The following MARK4 variants were observed in gnomAD, a reference collection of about 807,000 sequenced individuals.
MARK4 encodes microtubule affinity regulating kinase 4.
MARK4 carries 19 observed loss-of-function variants against 81.5 expected under a neutral mutation model. That is an observed-to-expected ratio of 0.23 (90% CI 0.16 to 0.34). The LOEUF is 0.34. MARK4 is among the 10% of genes least tolerant of loss of function. The pLI, the probability that MARK4 is intolerant of heterozygous loss-of-function variation, is 1.00. For synonymous variants in MARK4, 436 were observed against 439.0 expected, an observed-to-expected ratio of 0.99 and a Z score of 0.08; for missense variants, 772 against 1,058.8, an observed-to-expected ratio of 0.73 and a Z score of 3.76.
At chr19:45,277,826 TGTGTGTG>T in intron 8 of MARK4, 90 bp from the exon 9 acceptor site, 6 of 114,138 alleles carry the variant, frequency 5.3e-5, no homozygotes, top group East Asian at 3.7e-4. Flanking sequence ...ACAAAGGTTG[TGTGTGTG>T]TGTGTGTGTG....
intron 12 of MARK4, among the ~76,000 whole-genome samples, chr19:45,285,899 G>T (rs1300902523): frequency 1.3e-5 from 2 of 152,198 alleles, no homozygotes; most frequent in African/African-American, 4.8e-5. Flanking sequence ...TGTTCCTAGA[G>T]ACCAGAATTA....
chr19:45,303,404 A>C lies in MARK4; in HGVS notation c.*694A>C, dbSNP rs937054017. The C allele has an allele frequency of 6.6e-6, 1 of 151,832 alleles. No homozygotes were observed. Among genetic ancestry groups the C allele is most frequent in the Admixed American group, 6.6e-5 (1 of 15,218 alleles). The allele number at this position is 151,832 out of a possible 1,614,324, so 9.4% of individuals were successfully genotyped here. On this transcript the variant is annotated 3_prime_UTR_variant, in exon 17 of 17. Coordinates refer to ENST00000262891, the MANE Select transcript of MARK4 (RefSeq NM_001199867.2). The stretch of plus-strand genomic sequence containing the variant: ...CCTAGGATTTTCCTTCCCTGCCCTC[A>C]CCTGCAAATGAGTTAAAGAAGAGGC...
chr19:45,298,218 G>A (rs1433715099), intron 15 of MARK4: 1 of 1,614,070 alleles, frequency 6.2e-7, no homozygotes, highest in East Asian at 2.2e-5. Flanking sequence ...AGGGATCCAA[G>A]ATCAGTAAGT....
chr19:45,282,327 C>T (rs1294270871), intron 12 of MARK4, among the ~76,000 whole-genome samples: 1 of 151,948 alleles, frequency 6.6e-6, no homozygotes, highest in African/African-American at 2.4e-5. Flanking sequence ...AAATTTTAAC[C>T]CTCTCTTCTA....
intron 9 of MARK4, 139 bp from the exon 10 acceptor site, chr19:45,278,377 G>A (rs1970629062): frequency 3.9e-6 from 3 of 766,332 alleles, no homozygotes; most frequent in South Asian, 1.6e-5. Flanking sequence ...GGGAGAGAGA[G>A]GCCCAGGAGG....
chr19:45,293,697 A>T (rs570986500), intron 13 of MARK4, among the ~76,000 whole-genome samples: 43 of 152,326 alleles, frequency 2.8e-4, no homozygotes, highest in Non-Finnish European at 5.3e-4. Context: ...CATGTTTATG[A>T]GGCAGCATAA....
chr19:45,258,364 C>A (rs1271553562), intron 1 of MARK4, among the ~76,000 whole-genome samples: 1 of 152,054 alleles, frequency 6.6e-6, no homozygotes, highest in Non-Finnish European at 1.5e-5. Context: ...TGCTTTATTG[C>A]GGTGGTCTGG....
intron 14 of MARK4, among the ~76,000 whole-genome samples, chr19:45,295,969 GCTTCTA>G (rs1418772362): frequency 6.6e-6 from 1 of 152,136 alleles, no homozygotes; most frequent in African/African-American, 2.4e-5. Context: ...TACATGCCAG[GCTTCTA>G]TGTCTATTGC....
At position 45,264,920 on chromosome 19, in the gene MARK4, G is replaced by T; in HGVS notation, c.492+10G>T. ...AGCCAAGTTCCGACAGGTTGGGGCA[G>T]GGCTGAGGGTGGGGCTGACTGGGTG... is the stretch of plus-strand genomic sequence containing the variant. On this transcript the variant is annotated intron_variant, in intron 6 of 16. Transcript: ENST00000262891. The T allele has an allele frequency of 6.2e-7, 1 of 1,614,046 alleles. No individual in the cohort carries two copies. Among genetic ancestry groups the T allele is most frequent in the Non-Finnish European group, 8.5e-7 (1 of 1,179,954 alleles).
chr19:45,266,389 C>G, intron 7 of MARK4, 108 bp downstream of exon 7: 1 of 1,022,754 alleles, frequency 9.8e-7, no homozygotes, highest in Non-Finnish European at 1.5e-6. Context: ...TTCCTCCAGC[C>G]CTTTTCTCCT....
intron 15 of MARK4, among the ~76,000 whole-genome samples, chr19:45,299,064 TAAAAAAAAA>T (rs59720430): frequency 0.27 from 22,962 of 85,012 alleles, 2,694 homozygotes; most frequent in Non-Finnish European, 0.33. Flanking sequence ...AACCTGTCTC[TAAAAAAAAA>T]AAAAAAAAAA....
intron 10 of MARK4, among the ~76,000 whole-genome samples, chr19:45,278,921 T>G (rs1002528688): frequency 5.3e-5 from 8 of 151,992 alleles, no homozygotes; most frequent in African/African-American, 1.9e-4. Context: ...CGCTTTGATA[T>G]TAAGACATAA....
At chr19:45,269,534 G>A (rs1970498374) in intron 7 of MARK4, among the ~76,000 whole-genome samples, 1 of 152,166 alleles carries the variant, frequency 6.6e-6, no homozygotes, top group Non-Finnish European at 1.5e-5. Context: ...AGGAGACATA[G>A]GGAGACCTGG....
chr19:45,262,828 C>G (rs1010491780), intron 2 of MARK4, among the ~76,000 whole-genome samples: 1 of 152,174 alleles, frequency 6.6e-6, no homozygotes, highest in Non-Finnish European at 1.5e-5. Context: ...GCAGTGACGT[C>G]ATCTTGGCTC....
intron 16 of MARK4, among the ~76,000 whole-genome samples, chr19:45,301,556 T>TAAAA: frequency 9.0e-5 from 1 of 11,130 alleles, no homozygotes; most frequent in Non-Finnish European, 2.2e-4. Context: ...AAACTCTGTC[T>TAAAA]CAAAAAAAAA....
chr19:45,253,443 T>A (rs1464359243), intron 1 of MARK4, among the ~76,000 whole-genome samples: 4 of 152,224 alleles, frequency 2.6e-5, no homozygotes, highest in Non-Finnish European at 5.9e-5. Flanking sequence ...TCTCCCTTTC[T>A]GAGCCTCAGT....
rs869039919 is a variant in MARK4, at chr19:45,283,409, CAA to C, written c.1276+2701_1276+2702del. On this transcript the variant is annotated intron_variant, in intron 12 of 16. Transcript: ENST00000262891. The stretch of plus-strand genomic sequence containing the variant: ...GGGCGATAAGAGTGAGACTTCCTCT[CAA>C]AAAAAAAAAAAAAAAAAAAAAAAAA... 4.4e-3 allele frequency among the ~76,000 whole-genome samples: 376 copies of C among 86,370 alleles called. 2 individuals carry two copies. The highest frequency in any genetic ancestry group is 0.015 in the African/African-American group (351 of 22,692). 56.7% of individuals were successfully genotyped at this position (86,370 alleles called of 152,430 possible).
chr19:45,281,101 G>A (rs982469558), intron 12 of MARK4, among the ~76,000 whole-genome samples: 2 of 151,748 alleles, frequency 1.3e-5, no homozygotes, highest in Non-Finnish European at 2.9e-5. Context: ...GCCTCAGGCT[G>A]TAGTGCAGTG....
chr19:45,264,976 G>A, intron 6 of MARK4, 66 bp downstream of exon 6: 4 of 1,547,312 alleles, frequency 2.6e-6, no homozygotes, highest in Non-Finnish European at 2.7e-6. Flanking sequence ...TCTGAGAGCT[G>A]GGCATGGTCT....
Sources: allele counts gnomAD v4.1 joint callset (sites outside exome capture counted in the v4.1 genomes callset), GRCh38; gene constraint gnomAD v4.1.1; transcripts MANE v1.5; gene names NCBI Gene and HGNC (gene_info 2026-07-23, HGNC 2026-07-21).